APBB2: variants seen among roughly 807,000 people sequenced by gnomAD.
The protein encoded by APBB2 is Fe65-like 1.
In APBB2, 38 loss-of-function variants were observed where a neutral mutation model predicts 82.5. The ratio of observed to expected loss-of-function variants is 0.46; its 90% confidence interval spans 0.36 to 0.60. The LOEUF (loss-of-function observed/expected upper bound fraction) is 0.60, where lower values mean the gene tolerates loss of function less well. APBB2 is among the 20% of genes least tolerant of loss of function. The pLI, the probability that APBB2 is intolerant of heterozygous loss-of-function variation, is 0.00. For synonymous variants in APBB2, 341 were observed against 368.2 expected, an observed-to-expected ratio of 0.93 and a Z score of 0.85; for missense variants, 772 against 972.3, an observed-to-expected ratio of 0.79 and a Z score of 2.74.
Position 40,945,085 on chromosome 4 carries a change from GGGGGC to G in APBB2, c.836-17_836-13del, listed in dbSNP as rs1161063594. 59 of 1,335,276 alleles carry G rather than the reference GGGGGC, an allele frequency of 4.4e-5. No individual in the cohort carries two copies. The highest frequency in any genetic ancestry group is 2.0e-4 in the Middle Eastern group (1 of 4,980). 82.7% of individuals were successfully genotyped at this position (1,335,276 alleles called of 1,614,324 possible). On this transcript the variant is annotated splice_polypyrimidine_tract_variant and intron_variant, in intron 6 of 17. Transcript: ENST00000508593. Reference sequence around the variant, plus strand: ...ACTCCATATATCTGCTGAAAAATTGGGGGGCGGGGCGGGGGGAGAAAGAGAGAATT... The same window carrying G: ...ACTCCATATATCTGCTGAAAAATTGGGGGGCGGGGGGAGAAAGAGAGAATT...
intron 3 of APBB2, among the ~76,000 whole-genome samples, chr4:41,079,759 G>C (rs533603041): frequency 3.9e-5 from 6 of 152,110 alleles, no homozygotes; most frequent in Non-Finnish European, 8.8e-5. Flanking sequence ...GTGTTGTCCA[G>C]GATGGTCTCG....
chr4:41,123,768 A>C (rs1032355287), intron 2 of APBB2, among the ~76,000 whole-genome samples: 2 of 152,136 alleles, frequency 1.3e-5, no homozygotes. Context: ...GGTTGCAGTG[A>C]GCCGAGATGG....
chr4:40,920,599 C>T (rs1781013820), intron 10 of APBB2, among the ~76,000 whole-genome samples: 1 of 152,206 alleles, frequency 6.6e-6, no homozygotes, highest in Non-Finnish European at 1.5e-5. Context: ...GGGCTGGACG[C>T]AGTGGCTCAT....
At position 41,027,059 on chromosome 4, in the gene APBB2, T is replaced by C. The variant is rs545080369; in HGVS notation, c.19+6177A>G. Among the ~76,000 whole-genome samples the C allele has an allele frequency of 5.9e-5, 9 of 152,250 alleles. No homozygotes were observed. In the East Asian group the frequency reaches 1.2e-3, roughly 20 times the overall value. ...CTACCTAGATCCTGTTTTGTTACAG[T>C]TTGTTTCATTTCTTCCCTACTATAT... is the stretch of plus-strand genomic sequence containing the variant. On this transcript the variant is annotated intron_variant, in intron 5 of 17. Coordinates refer to ENST00000508593, the MANE Select transcript of APBB2 (RefSeq NM_004307.2).
intron 12 of APBB2, among the ~76,000 whole-genome samples, chr4:40,871,336 G>T (rs1765467701): frequency 6.6e-6 from 1 of 151,962 alleles, no homozygotes; most frequent in Non-Finnish European, 1.5e-5. Context: ...GTAGAGACGG[G>T]GTTTTGCCAC....
At position 40,939,652 on chromosome 4, in the gene APBB2, T is replaced by C. The variant is rs558226663; in HGVS notation, c.1045-4513A>G. Among the ~76,000 whole-genome samples the C allele has an allele frequency of 9.2e-5, 14 of 152,228 alleles. No individual in the cohort carries two copies. The South Asian group carries it at 1.9e-3, about 20-fold the overall frequency. ...CCTTGCTCTGTCACCAAGGCTGGAG[T>C]GCAGTGGCATGATCTCACTGCAACC... On this transcript the variant is annotated intron_variant, in intron 7 of 17. Coordinates refer to ENST00000508593, the MANE Select transcript of APBB2 (RefSeq NM_004307.2).
Position 41,159,969 on chromosome 4 carries a change from GAAGAAGA to G in APBB2, c.-416-16834_-416-16828del, listed in dbSNP as rs1560913596. Among the ~76,000 whole-genome samples the G allele has an allele frequency of 5.6e-3, 554 of 98,722 alleles. 44 individuals carry two copies. The highest frequency in any genetic ancestry group is 0.019 in the African/African-American group (481 of 25,704). The allele number at this position is 98,722 out of a possible 152,430, so 64.8% of individuals were successfully genotyped here. Reference sequence around the variant, plus strand: ...AGAAGGAGAAGGAGAAGGAGAAGAAGAAGAAGAAGAAGAAGAAGAAGAAGAAGAAGAA... The same window carrying G: ...AGAAGGAGAAGGAGAAGGAGAAGAAGAGAAGAAGAAGAAGAAGAAGAAGAA... On this transcript the variant is annotated intron_variant, in intron 1 of 17. Transcript: ENST00000508593.
chr4:40,812,449 CG>C lies in APBB2; in HGVS notation c.*3642del, dbSNP rs1243205018. ...CCAGGAACTACTGCTTGCGTTGACA[CG>C]GTGTGAGTGGGTATCTTTGCCCTGA... On this transcript the variant is annotated 3_prime_UTR_variant, in exon 18 of 18. Transcript: ENST00000508593. 6.6e-6 allele frequency: 1 copy of C among 152,170 alleles called. No individual in the cohort carries two copies. The highest frequency in any genetic ancestry group is 2.4e-5 in the African/African-American group (1 of 41,410). The allele number at this position is 152,170 out of a possible 1,614,324, so 9.4% of individuals were successfully genotyped here.
At chr4:40,908,790 T>C (rs1054544583) in intron 10 of APBB2, among the ~76,000 whole-genome samples, 1 of 152,066 alleles carries the variant, frequency 6.6e-6, no homozygotes, top group Admixed American at 6.6e-5. Flanking sequence ...GAGCCGACAA[T>C]GGGGGAGCCC....
intron 12 of APBB2, among the ~76,000 whole-genome samples, chr4:40,865,947 C>G (rs756204659): frequency 1.3e-5 from 2 of 152,194 alleles, no homozygotes; most frequent in Non-Finnish European, 2.9e-5. Flanking sequence ...CCAAAAAATC[C>G]TGGCAATGCC....
intron 10 of APBB2, among the ~76,000 whole-genome samples, chr4:40,906,481 AAAAAAAAG>A (rs1776763563): frequency 6.9e-6 from 1 of 144,488 alleles, no homozygotes; most frequent in African/African-American, 2.5e-5. Context: ...AAAAAAAAAA[AAAAAAAAG>A]AAAAGAAAAG....
intron 1 of APBB2, among the ~76,000 whole-genome samples, chr4:41,195,308 C>A: frequency 6.6e-6 from 1 of 152,208 alleles, no homozygotes; most frequent in Non-Finnish European, 1.5e-5. Context: ...CCATTCACAG[C>A]AGCCTCCTGC....
At chr4:40,942,347 A>G (rs1400522705) in intron 7 of APBB2, among the ~76,000 whole-genome samples, 3 of 152,206 alleles carry the variant, frequency 2.0e-5, no homozygotes, top group Non-Finnish European at 2.9e-5. Flanking sequence ...TACAAATGGT[A>G]CAGTGAGCAG....
intron 1 of APBB2, among the ~76,000 whole-genome samples, chr4:41,186,786 G>A (rs985803942): frequency 3.9e-5 from 6 of 152,074 alleles, no homozygotes; most frequent in African/African-American, 1.4e-4. Flanking sequence ...TGCACTGTTG[G>A]GTGTTCACAG....
At chr4:40,941,117 G>C (rs1208882595) in intron 7 of APBB2, among the ~76,000 whole-genome samples, 3 of 151,096 alleles carry the variant, frequency 2.0e-5, no homozygotes, top group African/African-American at 4.9e-5. Flanking sequence ...CTAGTCAACA[G>C]ATTTAGCACT....
In APBB2 at chr4:40,890,353, C is replaced by T. The variant is rs1353774801; in HGVS notation, c.1529+11G>A. ...GTGAGGTGACCCAGACTGCCCCACC[C>T]AGGGACTCACCGGCCATTGTCGCGG... On this transcript the variant is annotated intron_variant, in intron 12 of 17. Transcript: ENST00000508593. The T allele has an allele frequency of 6.2e-7, 1 of 1,611,000 alleles. No homozygotes were observed. The highest frequency in any genetic ancestry group is 8.5e-7 in the Non-Finnish European group (1 of 1,179,240).
At chr4:41,029,702 C>T (rs1715923381) in intron 5 of APBB2, among the ~76,000 whole-genome samples, 2 of 151,696 alleles carry the variant, frequency 1.3e-5, no homozygotes, top group South Asian at 2.1e-4. Context: ...TTTTATTTGT[C>T]GATTATAAAA....
chr4:40,956,267 G>A (rs1791619209), intron 6 of APBB2, among the ~76,000 whole-genome samples: 1 of 152,136 alleles, frequency 6.6e-6, no homozygotes, highest in South Asian at 2.1e-4. Context: ...CCAGGACTCT[G>A]GGTTTAGATC....
chr4:40,838,148 T>C (rs1560657459), intron 12 of APBB2, among the ~76,000 whole-genome samples: 1 of 99,172 alleles, frequency 1.0e-5, no homozygotes, highest in South Asian at 2.4e-4. Context: ...TTATTATTAT[T>C]ATTATTATTA....
Sources: allele counts gnomAD v4.1 joint callset (sites outside exome capture counted in the v4.1 genomes callset), GRCh38; gene constraint gnomAD v4.1.1; transcripts MANE v1.5; gene names NCBI Gene and HGNC (gene_info 2026-07-23, HGNC 2026-07-21).